Variants in LHFPL3 observed in about 807,000 individuals in gnomAD.
The protein encoded by LHFPL3 is LHFPL tetraspan subfamily member 3, also known as LHFPL tetraspan subfamily member 3 protein.
In LHFPL3, 5 loss-of-function variants were observed where a neutral mutation model predicts 19.3. The ratio of observed to expected loss-of-function variants is 0.26; its 90% CI spans 0.14 to 0.54. LHFPL3 has a LOEUF of 0.54. Among genes scored for constraint, LHFPL3 ranks in the 20% least tolerant of loss-of-function variants. LHFPL3 has a pLI of 0.94. For missense variants in LHFPL3, 249 were observed against 307.4 expected (o/e 0.81, Z 1.42); for synonymous variants, 133 against 126.2 (o/e 1.05, Z -0.36).
chr7:104,755,601 C>CAT (rs1333540754), intron 2 of LHFPL3, among the ~76,000 whole-genome samples: 1 of 151,600 alleles, frequency 6.6e-6, no homozygotes, highest in South Asian at 2.1e-4. Context: ...CACACACACA[C>CAT]AGAGAGAAAC....
chr7:104,334,331 G>C (rs1298465768), intron 1 of LHFPL3, among the ~76,000 whole-genome samples: 1 of 152,198 alleles, frequency 6.6e-6, no homozygotes, highest in African/African-American at 2.4e-5. Flanking sequence ...CAGATCACCT[G>C]AGGTCAGGAG....
At chr7:104,851,302 A>C (rs1791410853) in intron 2 of LHFPL3, among the ~76,000 whole-genome samples, 1 of 152,206 alleles carries the variant, frequency 6.6e-6, no homozygotes, top group African/African-American at 2.4e-5. Context: ...TTTTCTGAGC[A>C]TGGGGATACA....
chr7:104,776,892 A>G (rs1338976358), intron 2 of LHFPL3, among the ~76,000 whole-genome samples: 2 of 152,210 alleles, frequency 1.3e-5, no homozygotes, highest in Non-Finnish European at 2.9e-5. Flanking sequence ...CTTGTGGCTG[A>G]AAACCCTTCA....
Position 104,908,392 on chromosome 7 carries a change from T to TA in LHFPL3, c.*2187dup, listed in dbSNP as rs139211927. 1.5e-3 allele frequency among the ~76,000 whole-genome samples: 228 copies of TA among 148,126 alleles called. 1 individual carries two copies. Among genetic ancestry groups the TA allele is most frequent in the Middle Eastern group, 0.01 (3 of 288 alleles). On this transcript the variant is annotated 3_prime_UTR_variant, in exon 3 of 3. Coordinates refer to ENST00000424859, the MANE Select transcript of LHFPL3 (RefSeq NM_199000.3). ...TATAAGAAGTAGGTTTTTATCTTTT[T>TA]AAAAAAAAAACAAAAAAGGTGACTC...
At position 104,640,218 on chromosome 7, in the gene LHFPL3, C is replaced by T. The variant is rs146206178; in HGVS notation, c.446-96457C>T. On this transcript the variant is annotated intron_variant, in intron 1 of 2. Coordinates refer to ENST00000424859, the MANE Select transcript of LHFPL3 (RefSeq NM_199000.3). ...TTTGCTGCGCCCATCAACCCATCAT[C>T]TAGGTTTTAAGCTCTGCATGCATTA... 2.6e-3 allele frequency among the ~76,000 whole-genome samples: 394 copies of T among 152,288 alleles called. 2 individuals carry two copies. Among genetic ancestry groups the T allele is most frequent in the African/African-American group, 9.1e-3 (378 of 41,558 alleles).
At chr7:104,429,301 CTTTTTTTTTT>C (rs71823474) in intron 1 of LHFPL3, among the ~76,000 whole-genome samples, 1 of 84,532 alleles carries the variant, frequency 1.2e-5, no homozygotes, top group East Asian at 3.6e-4. Context: ...TATGTCATTC[CTTTTTTTTTT>C]TTTTTTTTTT....
rs545917271 is a variant in LHFPL3, at chr7:104,610,364, G to T, written c.446-126311G>T. ...TCTAATCACAACTCACTCCTATGAG[G>T]TTTATGTTAGCCTGAGTTTTCCAGA... On this transcript the variant is annotated intron_variant, in intron 1 of 2. Coordinates refer to ENST00000424859, the MANE Select transcript of LHFPL3 (RefSeq NM_199000.3). 4.6e-5 allele frequency among the ~76,000 whole-genome samples: 7 copies of T among 151,974 alleles called. No homozygotes were observed. In the East Asian group the frequency reaches 9.7e-4, roughly 21 times the overall value.
chr7:104,528,639 A>G (rs1037985109), intron 1 of LHFPL3, among the ~76,000 whole-genome samples: 1 of 152,196 alleles, frequency 6.6e-6, no homozygotes, highest in Non-Finnish European at 1.5e-5. Flanking sequence ...CATGTTCAAC[A>G]GAAAATGTTT....
At chr7:104,425,624 T>G (rs1350453448) in intron 1 of LHFPL3, among the ~76,000 whole-genome samples, 1 of 152,234 alleles carries the variant, frequency 6.6e-6, no homozygotes, top group Non-Finnish European at 1.5e-5. Flanking sequence ...TGAAATATTT[T>G]CCTTGAATAT....
intron 2 of LHFPL3, among the ~76,000 whole-genome samples, chr7:104,824,515 T>G (rs1790769202): frequency 1.6e-5 from 1 of 61,170 alleles, no homozygotes; most frequent in Admixed American, 3.1e-4. Context: ...TTATTTTATA[T>G]ATATTATTTT....
At chr7:104,461,941 G>C (rs1276255960) in intron 1 of LHFPL3, among the ~76,000 whole-genome samples, 1 of 151,976 alleles carries the variant, frequency 6.6e-6, no homozygotes, top group Non-Finnish European at 1.5e-5. Flanking sequence ...GGAGTGTTTT[G>C]TAATTCTCCT....
At chr7:104,799,300 G>T (rs1790195005) in intron 2 of LHFPL3, 1 of 152,176 alleles carries the variant, frequency 6.6e-6, no homozygotes, top group South Asian at 2.1e-4. Flanking sequence ...TTGGGCTCTG[G>T]GTGCTGGACC....
rs191150823 is a variant in LHFPL3, at chr7:104,470,386, C to T, written c.445+141162C>T. 1.6e-3 allele frequency among the ~76,000 whole-genome samples: 249 copies of T among 152,250 alleles called. 1 individual carries two copies. Among genetic ancestry groups the T allele is most frequent in the Non-Finnish European group, 2.6e-3 (179 of 68,024 alleles). Reference sequence around the variant, plus strand: ...TCATTCTTTGCAAGCCTCTGTTTCCCACATCGACCCATTCATGTAGCATAC... The same window carrying T: ...TCATTCTTTGCAAGCCTCTGTTTCCTACATCGACCCATTCATGTAGCATAC... On this transcript the variant is annotated intron_variant, in intron 1 of 2. Coordinates refer to ENST00000424859, the MANE Select transcript of LHFPL3 (RefSeq NM_199000.3).
At chr7:104,381,468 T>C (rs1396327365) in intron 1 of LHFPL3, among the ~76,000 whole-genome samples, 7 of 152,156 alleles carry the variant, frequency 4.6e-5, no homozygotes, top group Non-Finnish European at 1.0e-4. Context: ...ATAATGCCCT[T>C]TGCCCCATTT....
chr7:104,765,133 A>G (rs1794433931), intron 2 of LHFPL3, among the ~76,000 whole-genome samples: 3 of 152,232 alleles, frequency 2.0e-5, no homozygotes, highest in Non-Finnish European at 4.4e-5. Flanking sequence ...AGTAATTGGG[A>G]AAAATTTTGT....
At chr7:104,522,179 C>T (rs1794079569) in intron 1 of LHFPL3, among the ~76,000 whole-genome samples, 2 of 152,196 alleles carry the variant, frequency 1.3e-5, no homozygotes, top group African/African-American at 4.8e-5. Flanking sequence ...AAATGTGGCA[C>T]ATATACACCA....
chr7:104,600,300 C>A (rs1047137198), intron 1 of LHFPL3, among the ~76,000 whole-genome samples: 1 of 152,220 alleles, frequency 6.6e-6, no homozygotes, highest in East Asian at 1.9e-4. Flanking sequence ...CTTTTCCATT[C>A]TACATTTATT....
At chr7:104,434,430 A>G (rs1482623845) in intron 1 of LHFPL3, among the ~76,000 whole-genome samples, 3 of 152,246 alleles carry the variant, frequency 2.0e-5, no homozygotes, top group Non-Finnish European at 2.9e-5. Context: ...GATGACATGC[A>G]TCGCTTACAC....
At chr7:104,467,431 A>G (rs549008546) in intron 1 of LHFPL3, among the ~76,000 whole-genome samples, 1 of 152,336 alleles carries the variant, frequency 6.6e-6, no homozygotes, top group East Asian at 1.9e-4. Context: ...TCTATTTTGC[A>G]AGAGTGTTGA....
Sources: allele counts gnomAD v4.1 joint callset (sites outside exome capture counted in the v4.1 genomes callset), GRCh38; gene constraint gnomAD v4.1.1; transcripts MANE v1.5; gene names NCBI Gene and HGNC (gene_info 2026-07-23, HGNC 2026-07-21).